VEGFC: variants seen among roughly 807,000 people sequenced by gnomAD.
VEGFC encodes FLT4 ligand DHM.
VEGFC carries 12 observed loss-of-function variants against 46.1 expected under a neutral mutation model. That is an observed-to-expected ratio of 0.26 (90% confidence interval 0.17 to 0.42). VEGFC has a LOEUF of 0.42. VEGFC is among the 10% of genes least tolerant of loss of function. The pLI, the probability that VEGFC is intolerant of heterozygous loss-of-function variation, is 1.00. For missense variants in VEGFC, 488 were observed against 529.4 expected (o/e 0.92, Z 0.77); for synonymous variants, 232 against 195.5 (o/e 1.19, Z -1.56).
intron 1 of VEGFC, among the ~76,000 whole-genome samples, chr4:176,769,369 C>T (rs150021140): frequency 6.6e-6 from 1 of 152,202 alleles, no homozygotes; most frequent in African/African-American, 2.4e-5. Context: ...TTCATTGTGC[C>T]TCTCCTGTGT....
Position 176,727,982 on chromosome 4 carries a change from G to A in VEGFC, c.362-14C>T, listed in dbSNP as rs2111016580. On this transcript the variant is annotated splice_polypyrimidine_tract_variant and intron_variant, in intron 2 of 6. Coordinates refer to ENST00000618562, the MANE Select transcript of VEGFC (RefSeq NM_005429.5). ...CATTATCAATACCTGTCAAGTCATA[G>A]GGAAATCAGTAAGTTTTACGGAAAC... The A allele has an allele frequency of 1.9e-6, 3 of 1,568,874 alleles. No individual in the cohort carries two copies. Among genetic ancestry groups the A allele is most frequent in the East Asian group, 2.3e-5 (1 of 43,374 alleles).
At chr4:176,749,825 A>G (rs1735312971) in intron 1 of VEGFC, among the ~76,000 whole-genome samples, 1 of 151,796 alleles carries the variant, frequency 6.6e-6, no homozygotes, top group Non-Finnish European at 1.5e-5. Flanking sequence ...TCTTTGTAAT[A>G]ACATAGTTAA....
chr4:176,769,878 C>T (rs1247273649), intron 1 of VEGFC, among the ~76,000 whole-genome samples: 2 of 152,234 alleles, frequency 1.3e-5, no homozygotes, highest in Middle Eastern at 3.4e-3. Context: ...CTACCCTGTA[C>T]TCTCCAGTAA....
intron 1 of VEGFC, among the ~76,000 whole-genome samples, chr4:176,784,994 G>A (rs1199838335): frequency 6.6e-6 from 1 of 151,964 alleles, no homozygotes; most frequent in Non-Finnish European, 1.5e-5. Flanking sequence ...CTCTAAACAA[G>A]TTACGTCACT....
At chr4:176,698,591 T>TG (rs945398665) in intron 4 of VEGFC, among the ~76,000 whole-genome samples, 4 of 151,906 alleles carry the variant, frequency 2.6e-5, no homozygotes, top group African/African-American at 9.7e-5. Flanking sequence ...ACTGTGTGTG[T>TG]GGGGGAGTTG....
At chr4:176,718,842 T>C (rs1338883691) in intron 3 of VEGFC, among the ~76,000 whole-genome samples, 1 of 152,170 alleles carries the variant, frequency 6.6e-6, no homozygotes, top group Non-Finnish European at 1.5e-5. Context: ...CAAAAGCAGA[T>C]GACTTTCTTC....
chr4:176,715,912 G>C (rs113612015), intron 3 of VEGFC, among the ~76,000 whole-genome samples: 120 of 152,164 alleles, frequency 7.9e-4, no homozygotes, highest in African/African-American at 2.6e-3. Flanking sequence ...ACTTAGTCTT[G>C]AGAAACAGAC....
In VEGFC at chr4:176,727,899, A is replaced by G. The variant is rs1358603649; in HGVS notation, c.431T>C (p.Phe144Ser). Reference sequence around the variant, plus strand: ...AAAGAAGGTGTTTGTCGCGACTCCAAACTCCTTCCCCACATCTATACACAC... The same window carrying G: ...AAAGAAGGTGTTTGTCGCGACTCCAGACTCCTTCCCCACATCTATACACAC... ...REVCIDVGKE[F>S]GVATNTFFKP... The change falls in exon 3 of 7, where the codon TTT becomes TCT. Residue 144 changes from phenylalanine (F) to serine (S), a missense_variant. By Grantham distance (155) the Phe-to-Ser change is radical. Coordinates refer to ENST00000618562, the MANE Select transcript of VEGFC (RefSeq NM_005429.5). 6.2e-7 allele frequency: 1 copy of G among 1,613,780 alleles called. No homozygotes were observed. The highest frequency in any genetic ancestry group is 8.5e-7 in the Non-Finnish European group (1 of 1,179,878).
intron 4 of VEGFC, among the ~76,000 whole-genome samples, chr4:176,707,879 G>T (rs571117864): frequency 1.3e-5 from 2 of 152,124 alleles, no homozygotes; most frequent in South Asian, 4.1e-4. Context: ...GGCTGCCATT[G>T]GTTGCCCTGT....
intron 1 of VEGFC, among the ~76,000 whole-genome samples, chr4:176,746,607 G>A (rs151135646): frequency 5.3e-4 from 80 of 152,118 alleles, no homozygotes; most frequent in African/African-American, 1.9e-3. Flanking sequence ...TTATTGATGT[G>A]TCTTCTCTCT....
At chr4:176,718,069 C>A (rs569836100) in intron 3 of VEGFC, among the ~76,000 whole-genome samples, 4 of 152,072 alleles carry the variant, frequency 2.6e-5, no homozygotes, top group Non-Finnish European at 5.9e-5. Flanking sequence ...GAATAAAATA[C>A]GTGAATCTCA....
rs1553998122 is a variant in VEGFC, at chr4:176,784,779, A to AAAAG, written c.147+7385_147+7386insCTTT. 2.5e-3 allele frequency among the ~76,000 whole-genome samples: 247 copies of AAAAG among 100,270 alleles called. 25 individuals carry two copies. Among genetic ancestry groups the AAAAG allele is most frequent in the East Asian group, 3.2e-3 (8 of 2,518 alleles). The allele number at this position is 100,270 out of a possible 152,430, so 65.8% of individuals were successfully genotyped here. A position where few individuals can be genotyped will look rare whatever the true frequency, so the allele number is the denominator to read the frequency against. On this transcript the variant is annotated intron_variant, in intron 1 of 6. Transcript: ENST00000618562. ...CTCAAAAAAAAAAAAAAAAAAAAAA[A>AAAAG]GATAAAGTAACTAAATACACAAAAC... is the stretch of plus-strand genomic sequence containing the variant.
At chr4:176,729,810 A>G (rs1734932070) in intron 1 of VEGFC, 64 bp from the exon 2 acceptor site, 5 of 1,368,412 alleles carry the variant, frequency 3.7e-6, no homozygotes, top group Non-Finnish European at 2.9e-6. Context: ...CAAATGCACT[A>G]TAAAACGGTT....
chr4:176,768,408 A>G (rs1485667112), intron 1 of VEGFC, among the ~76,000 whole-genome samples: 1 of 150,944 alleles, frequency 6.6e-6, no homozygotes, highest in Non-Finnish European at 1.5e-5. Context: ...ACCACCACTG[A>G]GGTAAAATGA....
chr4:176,765,712 A>G (rs12501404), intron 1 of VEGFC, among the ~76,000 whole-genome samples: 117,390 of 151,752 alleles, frequency 0.77, 49,156 homozygotes, highest in East Asian at 1. Flanking sequence ...CCGCCACCAC[A>G]CCCGGCTAAT....
At chr4:176,778,572 G>C (rs984491889) in intron 1 of VEGFC, among the ~76,000 whole-genome samples, 4 of 151,980 alleles carry the variant, frequency 2.6e-5, no homozygotes, top group Non-Finnish European at 5.9e-5. Flanking sequence ...GATCAAGTAG[G>C]AATAACCCAA....
chr4:176,690,006 A>C (rs1216278247), intron 4 of VEGFC, among the ~76,000 whole-genome samples: 2 of 152,208 alleles, frequency 1.3e-5, no homozygotes, highest in Non-Finnish European at 2.9e-5. Flanking sequence ...ATGTGCTCTC[A>C]AAATCTATTT....
At chr4:176,741,726 A>C (rs1480006811) in intron 1 of VEGFC, among the ~76,000 whole-genome samples, 2 of 151,138 alleles carry the variant, frequency 1.3e-5, no homozygotes, top group South Asian at 4.2e-4. Context: ...TCTGAATTGC[A>C]ACCAAGATCT....
At chr4:176,713,881 G>A (rs1345378082) in intron 3 of VEGFC, among the ~76,000 whole-genome samples, 1 of 152,126 alleles carries the variant, frequency 6.6e-6, no homozygotes, top group Non-Finnish European at 1.5e-5. Context: ...TGTGGTCACA[G>A]GGCCACATGT....
Sources: gnomAD v4.1 joint callset for allele counts (sites outside exome capture counted in the v4.1 genomes callset) on GRCh38, gnomAD v4.1.1 for gene constraint, MANE v1.5 for transcripts, NCBI Gene and HGNC (gene_info 2026-07-23, HGNC 2026-07-21) for gene names.